Variants in PRKG1 observed in about 807,000 individuals in gnomAD.
The protein encoded by PRKG1 is cGMP-dependent protein kinase 1.
A neutral mutation model predicts 88.1 loss-of-function variants in PRKG1; 35 were observed. That is an observed-to-expected ratio of 0.40 (90% CI 0.30 to 0.53). PRKG1 has a LOEUF of 0.53. Among genes scored for constraint, PRKG1 ranks in the 20% least tolerant of loss-of-function variants. The pLI is 0.59. For synonymous variants in PRKG1, 303 were observed against 292.5 expected, an observed-to-expected ratio of 1.04 and a Z score of -0.37; for missense variants, 540 against 839.8, an observed-to-expected ratio of 0.64 and a Z score of 4.41.
chr10:51,163,759 G>A (rs1039535430), intron 2 of PRKG1, among the ~76,000 whole-genome samples: 4 of 152,232 alleles, frequency 2.6e-5, no homozygotes, highest in South Asian at 2.1e-4. Context: ...CACCTGGCTG[G>A]GAGGGTCCTA....
In PRKG1 at chr10:51,397,904, C is replaced by T. The variant is rs1177642036; in HGVS notation, c.479-69819C>T. Reference sequence around the variant, plus strand: ...AGGCAGAATGTGTCACTTACTTAGACTCACCTCACATTTCAATTTGCAAGT... The same window carrying T: ...AGGCAGAATGTGTCACTTACTTAGATTCACCTCACATTTCAATTTGCAAGT... On this transcript the variant is annotated intron_variant, in intron 2 of 17. Coordinates refer to ENST00000373980, the MANE Select transcript of PRKG1 (RefSeq NM_006258.4). 2.0e-5 allele frequency among the ~76,000 whole-genome samples: 3 copies of T among 152,200 alleles called. No individual in the cohort carries two copies. In the East Asian group the frequency reaches 5.8e-4, roughly 29 times the overall value.
At chr10:51,310,297 A>G (rs1255762974) in intron 2 of PRKG1, among the ~76,000 whole-genome samples, 1 of 152,246 alleles carries the variant, frequency 6.6e-6, no homozygotes, top group African/African-American at 2.4e-5. Flanking sequence ...ACCTGCTCCA[A>G]TATCTTCATG....
chr10:52,043,845 T>G (rs1589552359), intron 5 of PRKG1, among the ~76,000 whole-genome samples: 1 of 148,828 alleles, frequency 6.7e-6, no homozygotes. Context: ...ACTTAAAAAA[T>G]TTTGGAAAAA....
chr10:51,989,024 A>T (rs889866406), intron 5 of PRKG1, among the ~76,000 whole-genome samples: 1 of 152,052 alleles, frequency 6.6e-6, no homozygotes, highest in African/African-American at 2.4e-5. Context: ...TTTCATATAT[A>T]CCTGAAATTA....
At chr10:51,079,245 A>T (rs1207639322) in intron 1 of PRKG1, among the ~76,000 whole-genome samples, 1 of 152,222 alleles carries the variant, frequency 6.6e-6, no homozygotes, top group Non-Finnish European at 1.5e-5. Context: ...GGGGTTAACA[A>T]TACTGCACAA....
intron 3 of PRKG1, among the ~76,000 whole-genome samples, chr10:51,612,862 A>G (rs1438254788): frequency 1.3e-5 from 2 of 151,970 alleles, no homozygotes; most frequent in South Asian, 2.1e-4. Context: ...ATTTTTCTGT[A>G]TCTATTGAGA....
intron 1 of PRKG1, among the ~76,000 whole-genome samples, chr10:51,133,785 C>T (rs142446605): frequency 7.8e-4 from 119 of 152,242 alleles, no homozygotes; most frequent in African/African-American, 2.7e-3. Context: ...AACACTAATT[C>T]ACAGACTAAA....
chr10:52,118,173 C>T (rs570838018), intron 7 of PRKG1, among the ~76,000 whole-genome samples: 2 of 152,004 alleles, frequency 1.3e-5, no homozygotes, highest in South Asian at 2.1e-4. Context: ...TTTTCACATG[C>T]TTTTGCATTT....
At chr10:51,952,929 C>T (rs11000263) in intron 5 of PRKG1, among the ~76,000 whole-genome samples, 15,713 of 152,246 alleles carry the variant, frequency 0.1, 1,181 homozygotes, top group East Asian at 0.3. Flanking sequence ...GTGATTAATA[C>T]ATGTTTATTG....
At chr10:52,150,078 G>A (rs1338615208) in intron 8 of PRKG1, among the ~76,000 whole-genome samples, 1 of 151,340 alleles carries the variant, frequency 6.6e-6, no homozygotes, top group Non-Finnish European at 1.5e-5. Context: ...AACCCAGGAG[G>A]TGGAGGTTGC....
At chr10:52,278,632 A>G (rs1042218824) in intron 12 of PRKG1, among the ~76,000 whole-genome samples, 3 of 152,174 alleles carry the variant, frequency 2.0e-5, no homozygotes, top group Non-Finnish European at 4.4e-5. Context: ...GCAGCCATAA[A>G]AAAGAATGAG....
intron 3 of PRKG1, among the ~76,000 whole-genome samples, chr10:51,594,663 A>G (rs993695114): frequency 1.3e-5 from 2 of 152,200 alleles, no homozygotes; most frequent in Non-Finnish European, 2.9e-5. Context: ...CCTTTAGCCT[A>G]ACACAAACTC....
intron 3 of PRKG1, among the ~76,000 whole-genome samples, chr10:51,556,400 A>AT (rs1483355190): frequency 7.3e-6 from 1 of 137,434 alleles, no homozygotes; most frequent in Non-Finnish European, 1.6e-5. Context: ...TTTTAAAATG[A>AT]TTTTTTGCAT....
intron 2 of PRKG1, among the ~76,000 whole-genome samples, chr10:51,301,235 C>T (rs1020207581): frequency 2.0e-5 from 3 of 152,162 alleles, no homozygotes; most frequent in East Asian, 1.9e-4. Context: ...GTTCATTTTA[C>T]TGACCCTTCC....
chr10:51,554,032 T>C lies in PRKG1; in HGVS notation c.592+86196T>C, dbSNP rs111209299. Among the ~76,000 whole-genome samples the C allele has an allele frequency of 1.7e-3, 216 of 129,232 alleles. 14 individuals are homozygous for C. Among genetic ancestry groups the C allele is most frequent in the African/African-American group, 6.3e-3 (203 of 32,066 alleles). The allele number at this position is 129,232 out of a possible 152,430, so 84.8% of individuals were successfully genotyped here. On this transcript the variant is annotated intron_variant, in intron 3 of 17. Transcript: ENST00000373980. The stretch of plus-strand genomic sequence containing the variant: ...ATTATATGTGCGTATGTGATACGTG[T>C]ATATATTATATGTGCGTATGTGATA...
At chr10:51,395,052 G>T (rs1433193691) in intron 2 of PRKG1, among the ~76,000 whole-genome samples, 1 of 152,100 alleles carries the variant, frequency 6.6e-6, no homozygotes, top group Non-Finnish European at 1.5e-5. Context: ...AAATTCTGAG[G>T]AGTAACTATT....
chr10:51,085,632 A>G (rs1173501154), intron 1 of PRKG1, among the ~76,000 whole-genome samples: 1 of 152,030 alleles, frequency 6.6e-6, no homozygotes, highest in Non-Finnish European at 1.5e-5. Context: ...TGGGAGATCG[A>G]TTCAGTGAGT....
At chr10:51,954,816 C>G (rs761730800) in intron 5 of PRKG1, among the ~76,000 whole-genome samples, 1 of 151,968 alleles carries the variant, frequency 6.6e-6, no homozygotes, top group Non-Finnish European at 1.5e-5. Context: ...TTCTTTTTTC[C>G]CCCATCTGGA....
chr10:51,367,397 T>C (rs1041401840), intron 2 of PRKG1, among the ~76,000 whole-genome samples: 4 of 151,956 alleles, frequency 2.6e-5, no homozygotes, highest in African/African-American at 9.7e-5. Flanking sequence ...TAAAGAGGTG[T>C]GTCGATATGC....
Sources: gnomAD v4.1 joint callset for allele counts (sites outside exome capture counted in the v4.1 genomes callset) on GRCh38, gnomAD v4.1.1 for gene constraint, MANE v1.5 for transcripts, NCBI Gene and HGNC (gene_info 2026-07-23, HGNC 2026-07-21) for gene names.